Variants in RHBDD1 observed in about 807,000 individuals in gnomAD.
The protein encoded by RHBDD1 is rhomboid-related protein 4.
RHBDD1 carries 38 observed loss-of-function variants against 36.3 expected under a neutral mutation model. That is an observed-to-expected ratio of 1.05 (90% confidence interval 0.81 to 1.37). The LOEUF (loss-of-function observed/expected upper bound fraction) is 1.37, where lower values mean the gene tolerates loss of function less well. Among genes scored for constraint, RHBDD1 ranks in the 40% most tolerant of loss-of-function variants. The pLI is 0.00. For missense variants in RHBDD1, 393 were observed against 377.6 expected (o/e 1.04, Z -0.34); for synonymous variants, 151 against 136.5 (o/e 1.11, Z -0.74).
intron 5 of RHBDD1, among the ~76,000 whole-genome samples, chr2:226,876,505 A>C (rs550380532): frequency 6.6e-6 from 1 of 152,356 alleles, no homozygotes; most frequent in Non-Finnish European, 1.5e-5. Context: ...GTGAAGAAGT[A>C]ATTATTACTT....
At chr2:226,801,583 T>C in the RHBDD1 span, among the ~76,000 whole-genome samples, 1,771 of 152,158 alleles carry the variant, frequency 0.012, 16 homozygotes, top group Middle Eastern at 0.034. Context: ...ATAATTTGAG[T>C]ACACATGTTG....
chr2:226,802,244 G>T, the RHBDD1 span, among the ~76,000 whole-genome samples: 2 of 152,106 alleles, frequency 1.3e-5, no homozygotes, highest in Non-Finnish European at 2.9e-5. Flanking sequence ...CACAATTTCA[G>T]TTGCTAAATA....
At chr2:226,956,758 C>G (rs1297632057) in intron 8 of RHBDD1, among the ~76,000 whole-genome samples, 1 of 152,220 alleles carries the variant, frequency 6.6e-6, no homozygotes, top group Non-Finnish European at 1.5e-5. Context: ...GGAAAGGACA[C>G]TAGCCAGAGG....
chr2:226,854,233 G>A (rs911801080), intron 3 of RHBDD1, among the ~76,000 whole-genome samples: 5 of 152,058 alleles, frequency 3.3e-5, no homozygotes, highest in African/African-American at 7.3e-5. Flanking sequence ...ACTCTATGAG[G>A]TGGTCCTTAT....
chr2:226,823,616 A>G, the RHBDD1 span, among the ~76,000 whole-genome samples: 1 of 152,188 alleles, frequency 6.6e-6, no homozygotes, highest in Non-Finnish European at 1.5e-5. Flanking sequence ...AATGTACATG[A>G]AAACAATTCA....
Position 226,909,243 on chromosome 2 carries a change from ATCCTG to A in RHBDD1, c.712+367_712+371del, listed in dbSNP as rs1242547031. Among the ~76,000 whole-genome samples the A allele has an allele frequency of 1.5e-4, 23 of 152,308 alleles. No individual in the cohort carries two copies. In the South Asian group the frequency reaches 1.7e-3, roughly 11 times the overall value. ...TTAGGTGTATAGTTCTCCATGGCCC[ATCCTG>A]TGTATATTCAGGAACCCTTGCATAC... On this transcript the variant is annotated intron_variant, in intron 7 of 8. Transcript: ENST00000392062.
Position 226,905,837 on chromosome 2 carries a change from A to T in RHBDD1, c.567-956A>T, listed in dbSNP as rs979947316. ...GGTATGAGAGGCATTACAAACGGGAAGTGGGAGTGGCACCCCAGAAAAGTC... is the reference window on the plus strand; with the variant it reads ...GGTATGAGAGGCATTACAAACGGGATGTGGGAGTGGCACCCCAGAAAAGTC... On this transcript the variant is annotated intron_variant, in intron 5 of 8. Transcript: ENST00000392062. 5.3e-5 allele frequency among the ~76,000 whole-genome samples: 8 copies of T among 152,080 alleles called. No individual in the cohort carries two copies. The South Asian group carries it at 1.7e-3, about 31-fold the overall frequency.
the RHBDD1 span, chr2:226,807,358 T>G: frequency 6.6e-6 from 1 of 152,186 alleles, no homozygotes; most frequent in Non-Finnish European, 1.5e-5. Flanking sequence ...GAAGAAAAAT[T>G]TTAAAAACTG....
Position 226,914,068 on chromosome 2 carries a change from G to A in RHBDD1, c.713-140G>A, listed in dbSNP as rs1948718722. On this transcript the variant is annotated intron_variant, in intron 7 of 8. Transcript: ENST00000392062. ...ACAGTAACAAGACAATCACCATTTG[G>A]CATCTTTTCTTATTTTGAGGATAAT... 5 of 715,382 alleles carry A rather than the reference G, an allele frequency of 7.0e-6. No homozygotes were observed. The South Asian group carries it at 1.0e-4, about 15-fold the overall frequency. 44.3% of individuals were successfully genotyped at this position (715,382 alleles called of 1,614,324 possible). A position where few individuals can be genotyped will look rare whatever the true frequency, so the allele number is the denominator to read the frequency against.
intron 3 of RHBDD1, among the ~76,000 whole-genome samples, chr2:226,851,758 G>A (rs1942839427): frequency 6.6e-6 from 1 of 152,104 alleles, no homozygotes; most frequent in Non-Finnish European, 1.5e-5. Flanking sequence ...TGTTGTTGTT[G>A]CTATTGTTGT....
At chr2:226,880,759 T>TTACC (rs1945655584) in intron 5 of RHBDD1, among the ~76,000 whole-genome samples, 1 of 152,210 alleles carries the variant, frequency 6.6e-6, no homozygotes, top group Non-Finnish European at 1.5e-5. Flanking sequence ...AGGTATTCTT[T>TTACC]TCAAAGAGAT....
At chr2:226,936,068 C>T (rs1337224341) in intron 8 of RHBDD1, among the ~76,000 whole-genome samples, 1 of 151,966 alleles carries the variant, frequency 6.6e-6, no homozygotes, top group Non-Finnish European at 1.5e-5. Flanking sequence ...GTATGTTCTC[C>T]CCCAGGAAAA....
the RHBDD1 span, among the ~76,000 whole-genome samples, chr2:226,826,824 A>G: frequency 2.6e-5 from 4 of 151,426 alleles, no homozygotes; most frequent in Admixed American, 2.6e-4. Flanking sequence ...CCAGCCTGAT[A>G]GATTCTTAAT....
At chr2:226,962,560 C>T (rs1373320905) in intron 8 of RHBDD1, among the ~76,000 whole-genome samples, 1 of 152,204 alleles carries the variant, frequency 6.6e-6, no homozygotes, top group Non-Finnish European at 1.5e-5. Context: ...TTACTAAATT[C>T]TTCAGGCTTT....
At chr2:226,931,529 T>C (rs2149103060) in intron 8 of RHBDD1, among the ~76,000 whole-genome samples, 1 of 152,156 alleles carries the variant, frequency 6.6e-6, no homozygotes, top group Non-Finnish European at 1.5e-5. Flanking sequence ...TTAAAAAGCC[T>C]ACATATTGGA....
chr2:226,987,640 C>T (rs1957288966), intron 8 of RHBDD1, among the ~76,000 whole-genome samples: 1 of 152,212 alleles, frequency 6.6e-6, no homozygotes, highest in Non-Finnish European at 1.5e-5. Context: ...GGTCCAGGCC[C>T]CCCTCTGGGT....
chr2:226,906,738 A>T, intron 5 of RHBDD1, 55 bp from the exon 6 acceptor site: 1 of 1,613,584 alleles, frequency 6.2e-7, no homozygotes, highest in Non-Finnish European at 8.5e-7. Context: ...AGAAGACAGA[A>T]TGTCTCTAAT....
chr2:226,836,464 C>T (rs1339127303), intron 1 of RHBDD1, among the ~76,000 whole-genome samples: 1 of 152,208 alleles, frequency 6.6e-6, no homozygotes, highest in Non-Finnish European at 1.5e-5. Context: ...ACAGAGCATG[C>T]AGTTTCAGGT....
the RHBDD1 span, among the ~76,000 whole-genome samples, chr2:226,825,064 T>C: frequency 3.9e-4 from 59 of 152,352 alleles, no homozygotes; most frequent in African/African-American, 1.4e-3. Flanking sequence ...TAGCAGAACA[T>C]TCATAGCTTC....
Sources: allele counts gnomAD v4.1 joint callset (sites outside exome capture counted in the v4.1 genomes callset), GRCh38; gene constraint gnomAD v4.1.1; transcripts MANE v1.5; gene names NCBI Gene and HGNC (gene_info 2026-07-23, HGNC 2026-07-21).